Variants in PELP1 observed in about 807,000 individuals in gnomAD.
PELP1 encodes the protein proline-, glutamic acid- and leucine-rich protein 1.
A neutral mutation model predicts 95.5 loss-of-function variants in PELP1; 32 were observed. The observed-to-expected ratio is 0.34, with a 90% confidence interval of 0.25 to 0.45. PELP1 has a LOEUF of 0.45. PELP1 is among the 20% of genes least tolerant of loss of function. The pLI is 1.00. For missense variants in PELP1, 1,358 were observed against 1,444.8 expected (o/e 0.94, Z 0.97); for synonymous variants, 668 against 600.1 (o/e 1.11, Z -1.65).
At chr17:4,679,666 G>A (rs562686357) in intron 5 of PELP1, among the ~76,000 whole-genome samples, 17 of 152,284 alleles carry the variant, frequency 1.1e-4, no homozygotes, top group Non-Finnish European at 2.1e-4. Context: ...CATTTGACAA[G>A]ATAACCAGTT....
rs1292844807 is a variant in PELP1, at chr17:4,676,338, T to C, written c.853+19A>G. 6.2e-7 allele frequency: 1 copy of C among 1,610,422 alleles called. No individual in the cohort carries two copies. Among genetic ancestry groups the C allele is most frequent in the Non-Finnish European group, 8.5e-7 (1 of 1,177,486 alleles). Reference sequence around the variant, plus strand: ...GCTTCCTCACTATTGTTCCACTAACTAGCAGCCCTGGTCCCTACCAGTCTC... The same window carrying C: ...GCTTCCTCACTATTGTTCCACTAACCAGCAGCCCTGGTCCCTACCAGTCTC... On this transcript the variant is annotated intron_variant, in intron 7 of 16. Transcript: ENST00000572293.
rs1166172314 is a variant in PELP1 at position 4,673,229 on chromosome 17, G to C, written c.1845+21C>G. 1 of 1,554,648 alleles carries C rather than the reference G, an allele frequency of 6.4e-7. No individual in the cohort carries two copies. The highest frequency in any genetic ancestry group is 1.9e-5 in the Admixed American group (1 of 51,454). ...CAAGAGACTCCAGGAACCAAAGAGG[G>C]GCTTGGCCCATCACAGTTACCTCAA... is the stretch of plus-strand genomic sequence containing the variant. On this transcript the variant is annotated intron_variant, in intron 15 of 16. Coordinates refer to ENST00000572293, the MANE Select transcript of PELP1 (RefSeq NM_014389.3). The surrounding 1 kb of genome is among the most constrained non-coding windows in gnomAD (Gnocchi z 5.7).
chr17:4,703,926 C>T lies in PELP1; in HGVS notation c.186G>A (p.Ser62=), dbSNP rs1186662895. ...AVAPVHPPNR[S]APHLPGLMCL... The stretch of plus-strand genomic sequence containing the variant: ...ACATGAGCCCGGGCAAATGTGGGGC[C>T]GAGCGGTTTGGGGGATGCACCGGAG... The change falls in exon 1 of 17, where the codon TCG becomes TCA. Residue 62 remains serine, a synonymous_variant. Coordinates refer to ENST00000572293, the MANE Select transcript of PELP1 (RefSeq NM_014389.3). 3 of 1,613,420 alleles carry T rather than the reference C, an allele frequency of 1.9e-6. No individual in the cohort carries two copies. The African/African-American group carries it at 4.0e-5, about 22-fold the overall frequency.
intron 1 of PELP1, among the ~76,000 whole-genome samples, chr17:4,701,882 T>C (rs1913553498): frequency 6.6e-6 from 1 of 152,098 alleles, no homozygotes; most frequent in Non-Finnish European, 1.5e-5. Context: ...GAAAAAAAAT[T>C]CAAGGCAGGA....
chr17:4,677,623 TTAACA>T (rs1470267687), intron 5 of PELP1, among the ~76,000 whole-genome samples: 2 of 152,182 alleles, frequency 1.3e-5, no homozygotes, highest in Non-Finnish European at 2.9e-5. Flanking sequence ...ATCTTATTAC[TTAACA>T]TGTCAATAAA....
chr17:4,679,631 T>C (rs1185785638), intron 5 of PELP1, among the ~76,000 whole-genome samples: 1 of 152,214 alleles, frequency 6.6e-6, no homozygotes, highest in African/African-American at 2.4e-5. Flanking sequence ...CTGGCCTGTG[T>C]CATTTGAGAG....
In PELP1 at chr17:4,670,235, T is replaced by A. The variant is rs996737829; in HGVS notation, c.*1204A>T. ...TCAAAGGGCTCTTCAGGATACATGTTGGGAGAAATGACTCCCTCTTCTGCA... is the reference window on the plus strand; with the variant it reads ...TCAAAGGGCTCTTCAGGATACATGTAGGGAGAAATGACTCCCTCTTCTGCA... On this transcript the variant is annotated 3_prime_UTR_variant, in exon 17 of 17. Coordinates refer to ENST00000572293, the MANE Select transcript of PELP1 (RefSeq NM_014389.3). 6.6e-6 allele frequency: 1 copy of A among 152,222 alleles called. No homozygotes were observed. The highest frequency in any genetic ancestry group is 1.5e-5 in the Non-Finnish European group (1 of 68,046). 9.4% of individuals were successfully genotyped at this position (152,222 alleles called of 1,614,324 possible).
At chr17:4,697,407 A>C (rs1392026779) in intron 1 of PELP1, among the ~76,000 whole-genome samples, 1 of 152,170 alleles carries the variant, frequency 6.6e-6, no homozygotes, top group African/African-American at 2.4e-5. Context: ...CCAGCTACCC[A>C]GAAGGCTGAG....
In PELP1 at chr17:4,676,743, T is replaced by C; in HGVS notation, c.702+10A>G. 6.4e-7 allele frequency: 1 copy of C among 1,564,260 alleles called. No homozygotes were observed. Among genetic ancestry groups the C allele is most frequent in the Non-Finnish European group, 8.7e-7 (1 of 1,153,236 alleles). The stretch of plus-strand genomic sequence containing the variant: ...TCCCCGGGCTCTCCCTCTCCCTCCC[T>C]GCCCTTTACCTGTTGGAGCTGAGGG... On this transcript the variant is annotated intron_variant, in intron 6 of 16. Transcript: ENST00000572293.
intron 1 of PELP1, 118 bp downstream of exon 1, chr17:4,703,745 G>T: frequency 1.2e-6 from 1 of 827,358 alleles, no homozygotes; most frequent in Non-Finnish European, 1.9e-6. Flanking sequence ...TCCCCTTTCT[G>T]CCCGCAGCTC....
intron 3 of PELP1, among the ~76,000 whole-genome samples, chr17:4,683,508 C>T (rs113386647): frequency 2.8e-4 from 39 of 141,778 alleles, no homozygotes; most frequent in African/African-American, 8.2e-4. Flanking sequence ...TGTGAGCCAT[C>T]ACGCCCAGCT....
At position 4,673,771 on chromosome 17, in the gene PELP1, A is replaced by C. The variant is rs988305514; in HGVS notation, c.1583-97T>G. The C allele has an allele frequency of 1.0e-6, 1 of 989,966 alleles. No homozygotes were observed. The highest frequency in any genetic ancestry group is 1.6e-6 in the Non-Finnish European group (1 of 611,170). The allele number at this position is 989,966 out of a possible 1,614,324, so 61.3% of individuals were successfully genotyped here. A position where few individuals can be genotyped will look rare whatever the true frequency, so the allele number is the denominator to read the frequency against. ...GCCCAAAATGGGCATCAACTCTGCC[A>C]CTGCCTATCTTGGCCAAGTCATTTA... On this transcript the variant is annotated intron_variant, in intron 13 of 16. Coordinates refer to ENST00000572293, the MANE Select transcript of PELP1 (RefSeq NM_014389.3). The surrounding 1 kb of genome is among the most constrained non-coding windows in gnomAD (Gnocchi z 5.7).
In PELP1 at chr17:4,672,243, ATCCTCT is replaced by A. The variant is rs758598717; in HGVS notation, c.2742_2747del (p.Glu914_Glu915del). ...CTTCCTCTTCAAAATATTCCTCTTC[ATCCTCT>A]TCCTCTTCCTCAAAGTCTTCCTCCT... On this transcript the variant is annotated inframe_deletion, in exon 16 of 17. Transcript: ENST00000572293. 2.1e-4 allele frequency: 324 copies of A among 1,551,098 alleles called. No individual in the cohort carries two copies. Among genetic ancestry groups the A allele is most frequent in the African/African-American group, 2.5e-4 (18 of 72,422 alleles).
rs1912479972 is a variant in PELP1 at position 4,676,413 on chromosome 17, C to G, written c.797G>C (p.Ser266Thr). The G allele has an allele frequency of 1.2e-6, 2 of 1,613,600 alleles. No individual in the cohort carries two copies. Among genetic ancestry groups the G allele is most frequent in the African/African-American group, 2.7e-5 (2 of 74,826 alleles). ...HTESWEQELH[S>T]LLASLHTLLG... ...CAGGGTGTGCAGTGAGGCCAGCAGA[C>G]TGTGTAGCTCCTGCTCCCAGCTCTC... Residue 266 changes from serine (S) to threonine (T), a missense_variant, in exon 7 of 17, where the codon AGT becomes ACT. Transcript: ENST00000572293.
chr17:4,690,777 A>G, intron 3 of PELP1, 111 bp downstream of exon 3: 1 of 695,256 alleles, frequency 1.4e-6, no homozygotes, highest in Non-Finnish European at 2.5e-6. Context: ...AATTGTTTCC[A>G]ATTATTCTGT....
At chr17:4,696,133 G>C (rs1447329152) in intron 1 of PELP1, among the ~76,000 whole-genome samples, 6 of 151,496 alleles carry the variant, frequency 4.0e-5, no homozygotes, top group Admixed American at 6.6e-5. Flanking sequence ...GTCAAGATCA[G>C]CCTGTGCAAC....
chr17:4,678,260 A>G (rs1474402972), intron 5 of PELP1, among the ~76,000 whole-genome samples: 3 of 152,144 alleles, frequency 2.0e-5, no homozygotes, highest in African/African-American at 7.2e-5. Context: ...GCATATGGAA[A>G]AACAAGAATC....
intron 3 of PELP1, among the ~76,000 whole-genome samples, chr17:4,690,583 G>A (rs553527753): frequency 2.0e-5 from 3 of 152,092 alleles, no homozygotes; most frequent in East Asian, 3.9e-4. Context: ...TTAGCCAGGC[G>A]TGGTGGCAGA....
rs1339713050 is a variant in PELP1 at position 4,672,377 on chromosome 17, G to A, written c.2614C>T (p.Pro872Ser). 1.3e-6 allele frequency: 2 copies of A among 1,554,516 alleles called. No individual in the cohort carries two copies. Among genetic ancestry groups the A allele is most frequent in the Non-Finnish European group, 1.7e-6 (2 of 1,148,628 alleles). The change falls in exon 16 of 17, where the codon CCA becomes TCA. Residue 872 changes from proline to serine, a missense_variant. Transcript: ENST00000572293. ...PEGTPGGGGP[P>S]ALEEDLTVIN... Reference sequence around the variant, plus strand: ...ACTGTCAAATCCTCTTCCAGGGCTGGGGGTCCTCCCCCACCAGGAGTCCCT... The same window carrying A: ...ACTGTCAAATCCTCTTCCAGGGCTGAGGGTCCTCCCCCACCAGGAGTCCCT...
Sources: gnomAD v4.1 joint callset for allele counts (sites outside exome capture counted in the v4.1 genomes callset) on GRCh38, gnomAD v4.1.1 for gene constraint, Gnocchi (gnomAD v3.1) non-coding constraint, MANE v1.5 for transcripts, NCBI Gene and HGNC (gene_info 2026-07-23, HGNC 2026-07-21) for gene names.